RUNDC3B: variants seen among roughly 807,000 people sequenced by gnomAD.
RUNDC3B encodes the protein RUN domain-containing protein 3B.
RUNDC3B carries 33 observed loss-of-function variants against 58.4 expected under a neutral mutation model. The ratio of observed to expected loss-of-function variants is 0.56; its 90% CI spans 0.43 to 0.75. The LOEUF is 0.75. RUNDC3B is among the 30% of genes least tolerant of loss of function. The pLI, the probability that RUNDC3B is intolerant of heterozygous loss-of-function variation, is 0.00. For synonymous variants in RUNDC3B, 193 were observed against 195.2 expected (o/e 0.99, Z 0.10); for missense variants, 501 against 535.7 (o/e 0.94, Z 0.64).
At chr7:87,686,748 T>C (rs1585101306) in intron 2 of RUNDC3B, among the ~76,000 whole-genome samples, 2 of 147,272 alleles carry the variant, frequency 1.4e-5, no homozygotes, top group East Asian at 4.0e-4. Flanking sequence ...GAGACCCACC[T>C]GGGCAACATG....
intron 2 of RUNDC3B, among the ~76,000 whole-genome samples, chr7:87,693,218 G>A (rs1005285538): frequency 6.6e-6 from 1 of 152,086 alleles, no homozygotes; most frequent in Non-Finnish European, 1.5e-5. Flanking sequence ...TTTTCAGTTG[G>A]TGATTGTTAA....
intron 1 of RUNDC3B, among the ~76,000 whole-genome samples, chr7:87,641,165 TA>T (rs1822415475): frequency 6.6e-6 from 1 of 152,240 alleles, no homozygotes; most frequent in Admixed American, 6.5e-5. Context: ...CTATCATGTT[TA>T]CCCTTTTGTC....
At chr7:87,633,795 G>A (rs1175168251) in intron 1 of RUNDC3B, among the ~76,000 whole-genome samples, 1 of 151,982 alleles carries the variant, frequency 6.6e-6, no homozygotes, top group East Asian at 1.9e-4. Context: ...GAACTTGGTG[G>A]GAGAAATGCA....
At chr7:87,673,586 C>A (rs558599509) in intron 2 of RUNDC3B, among the ~76,000 whole-genome samples, 7 of 152,156 alleles carry the variant, frequency 4.6e-5, no homozygotes, top group Non-Finnish European at 8.8e-5. Context: ...CTTAAAATGG[C>A]CCTTCGATAT....
chr7:87,756,674 A>G (rs1460653492), intron 6 of RUNDC3B, among the ~76,000 whole-genome samples: 1 of 152,100 alleles, frequency 6.6e-6, no homozygotes, highest in East Asian at 1.9e-4. Flanking sequence ...ACCATATTCC[A>G]TCAATTTTAA....
rs999017435 is a variant in RUNDC3B, at chr7:87,734,373, G to A, written c.459-5418G>A. ...TACTGATCCATGCTGCCACATGGAT[G>A]AACCTTGAAAACCTGCTAAGCTTAG... On this transcript the variant is annotated intron_variant, in intron 4 of 10. Transcript: ENST00000394654. Among the ~76,000 whole-genome samples, 12 of 152,150 alleles carry A rather than the reference G, an allele frequency of 7.9e-5. 1 individual carries two copies. The highest frequency in any genetic ancestry group is 3.2e-3 in the Middle Eastern group (1 of 316).
chr7:87,818,164 G>T (rs1028737182), intron 10 of RUNDC3B, among the ~76,000 whole-genome samples: 3 of 152,036 alleles, frequency 2.0e-5, no homozygotes, highest in Non-Finnish European at 2.9e-5. Flanking sequence ...TCATCTAAAA[G>T]ACATTTAGGA....
chr7:87,687,270 C>T (rs1332451247), intron 2 of RUNDC3B, among the ~76,000 whole-genome samples: 1 of 152,104 alleles, frequency 6.6e-6, no homozygotes, highest in Non-Finnish European at 1.5e-5. Flanking sequence ...CCACAGGGCA[C>T]CATTGCACTG....
At chr7:87,637,037 G>C (rs889528858) in intron 1 of RUNDC3B, among the ~76,000 whole-genome samples, 4 of 152,098 alleles carry the variant, frequency 2.6e-5, no homozygotes, top group African/African-American at 9.7e-5. Context: ...CAGCTCTCGT[G>C]AGCTCTTACT....
intron 2 of RUNDC3B, among the ~76,000 whole-genome samples, chr7:87,667,989 G>A (rs1209851705): frequency 1.3e-5 from 2 of 152,008 alleles, no homozygotes; most frequent in African/African-American, 4.8e-5. Context: ...TTAAGATGAT[G>A]TTGGCCTTAG....
At chr7:87,774,529 A>T (rs1260561144) in intron 7 of RUNDC3B, among the ~76,000 whole-genome samples, 2 of 152,194 alleles carry the variant, frequency 1.3e-5, no homozygotes, top group African/African-American at 4.8e-5. Flanking sequence ...ATGGAAGAAT[A>T]GACAGCACAA....
At chr7:87,777,651 C>G (rs1584182994) in intron 7 of RUNDC3B, 147 bp from the exon 8 acceptor site, 1 of 577,202 alleles carries the variant, frequency 1.7e-6, no homozygotes, top group East Asian at 3.2e-5. Context: ...TCAATTAAGA[C>G]AAATTTTTTA....
At chr7:87,636,826 A>G (rs1305106273) in intron 1 of RUNDC3B, among the ~76,000 whole-genome samples, 1 of 152,198 alleles carries the variant, frequency 6.6e-6, no homozygotes, top group East Asian at 1.9e-4. Flanking sequence ...TCATGCTGCT[A>G]TGAGGACATA....
intron 1 of RUNDC3B, 163 bp downstream of exon 1, chr7:87,629,108 G>A (rs1196895087): frequency 1.7e-6 from 1 of 595,958 alleles, no homozygotes; most frequent in Non-Finnish European, 2.5e-6. Flanking sequence ...TTGGACAGGG[G>A]CCCGGGTCTG....
intron 4 of RUNDC3B, among the ~76,000 whole-genome samples, chr7:87,714,060 T>G (rs1830325709): frequency 6.6e-6 from 1 of 152,112 alleles, no homozygotes; most frequent in Non-Finnish European, 1.5e-5. Context: ...AAAAATGAGT[T>G]GACAAATACT....
intron 3 of RUNDC3B, among the ~76,000 whole-genome samples, chr7:87,706,776 A>C (rs1829630629): frequency 6.6e-6 from 1 of 152,148 alleles, no homozygotes; most frequent in Non-Finnish European, 1.5e-5. Flanking sequence ...CAACAGACAA[A>C]TGTGCCTGGA....
At chr7:87,815,710 A>G in intron 9 of RUNDC3B, among the ~76,000 whole-genome samples, 1 of 152,124 alleles carries the variant, frequency 6.6e-6, no homozygotes, top group East Asian at 1.9e-4. Context: ...AATAATGTCA[A>G]GGCCATCTGT....
chr7:87,788,790 T>G (rs541678666), intron 8 of RUNDC3B, among the ~76,000 whole-genome samples: 1 of 151,954 alleles, frequency 6.6e-6, no homozygotes, highest in South Asian at 2.1e-4. Flanking sequence ...TAGTTACATA[T>G]GTATACATGT....
intron 2 of RUNDC3B, among the ~76,000 whole-genome samples, chr7:87,693,187 A>G (rs1157162270): frequency 2.0e-5 from 3 of 152,104 alleles, no homozygotes; most frequent in East Asian, 3.8e-4. Context: ...TCTGAAAAAT[A>G]TAGCAGAAAT....
Sources: gnomAD v4.1 joint callset for allele counts (sites outside exome capture counted in the v4.1 genomes callset) on GRCh38, gnomAD v4.1.1 for gene constraint, MANE v1.5 for transcripts, NCBI Gene and HGNC (gene_info 2026-07-23, HGNC 2026-07-21) for gene names.